ENTREP2: variants seen among roughly 807,000 people sequenced by gnomAD.
ENTREP2 encodes the protein endosomal transmembrane epsin interactor 2, also known as protein ENTREP2.
the ENTREP2 span, among the ~76,000 whole-genome samples, chr15:29,179,619 T>C: frequency 0.026 from 3,924 of 151,250 alleles, 159 homozygotes; most frequent in African/African-American, 0.09. Flanking sequence ...CTCGCTCTGT[T>C]GCCCAGGCTG....
At chr15:29,223,693 G>A in the ENTREP2 span, among the ~76,000 whole-genome samples, 2 of 152,112 alleles carry the variant, frequency 1.3e-5, no homozygotes, top group African/African-American at 4.8e-5. Flanking sequence ...AACTCCTGTA[G>A]TGGCGCTCCT....
chr15:29,285,972 T>A, the ENTREP2 span, among the ~76,000 whole-genome samples: 2 of 152,282 alleles, frequency 1.3e-5, no homozygotes, highest in Admixed American at 1.3e-4. Context: ...AAAAGAAAAG[T>A]CATATGATAA....
At chr15:29,366,664 G>C in the ENTREP2 span, among the ~76,000 whole-genome samples, 2 of 152,142 alleles carry the variant, frequency 1.3e-5, no homozygotes, top group Non-Finnish European at 1.5e-5. Context: ...GAATCATACA[G>C]TATGCAGTCT....
the ENTREP2 span, chr15:29,613,314 T>C: frequency 4.7e-6 from 1 of 210,726 alleles, no homozygotes; most frequent in Non-Finnish European, 9.9e-6. Flanking sequence ...CCACTTTGTT[T>C]TCGGTCAGTT....
chr15:29,665,154 T>G, the ENTREP2 span, among the ~76,000 whole-genome samples: 1 of 152,214 alleles, frequency 6.6e-6, no homozygotes, highest in Non-Finnish European at 1.5e-5. Context: ...GCAGGGGCAG[T>G]GCCCCATCTC....
At chr15:29,280,508 A>C in the ENTREP2 span, among the ~76,000 whole-genome samples, 1 of 152,230 alleles carries the variant, frequency 6.6e-6, no homozygotes, top group Non-Finnish European at 1.5e-5. Flanking sequence ...GAGGCAGGAT[A>C]CAGGGAAGAC....
At chr15:29,329,664 C>T in the ENTREP2 span, among the ~76,000 whole-genome samples, 2 of 152,038 alleles carry the variant, frequency 1.3e-5, no homozygotes, top group African/African-American at 4.8e-5. Flanking sequence ...AGGAAACATA[C>T]AAAATGAGCC....
At chr15:29,196,596 T>C in the ENTREP2 span, 15 of 1,534,474 alleles carry the variant, frequency 9.8e-6, no homozygotes, top group Admixed American at 3.9e-5. Flanking sequence ...GACCTCACCG[T>C]TAACAGGCAT....
At chr15:29,294,127 G>A in the ENTREP2 span, among the ~76,000 whole-genome samples, 1 of 152,218 alleles carries the variant, frequency 6.6e-6, no homozygotes, top group Non-Finnish European at 1.5e-5. Context: ...TCAACACAAG[G>A]AGACTTAGGG....
At chr15:29,501,588 GCTC>G in the ENTREP2 span, among the ~76,000 whole-genome samples, 2 of 151,920 alleles carry the variant, frequency 1.3e-5, no homozygotes, top group African/African-American at 4.8e-5. Flanking sequence ...TGAAAGCTTT[GCTC>G]CTAAGATCAG....
chr15:29,295,398 A>C, the ENTREP2 span, among the ~76,000 whole-genome samples: 6 of 152,120 alleles, frequency 3.9e-5, no homozygotes, highest in African/African-American at 1.4e-4. Flanking sequence ...CCAGGCCTCT[A>C]CTGAGTCAAG....
At chr15:29,196,862 A>T in the ENTREP2 span, among the ~76,000 whole-genome samples, 1 of 152,228 alleles carries the variant, frequency 6.6e-6, no homozygotes, top group Non-Finnish European at 1.5e-5. Flanking sequence ...AATAGATTGA[A>T]AGTCACTCAT....
At chr15:29,309,804 GT>G in the ENTREP2 span, among the ~76,000 whole-genome samples, 5 of 129,338 alleles carry the variant, frequency 3.9e-5, no homozygotes, top group Non-Finnish European at 8.3e-5. Flanking sequence ...AAAAAAAAAA[GT>G]GCTCAGTGGT....
chr15:29,417,011 G>A, the ENTREP2 span, among the ~76,000 whole-genome samples: 114,558 of 152,096 alleles, frequency 0.75, 44,224 homozygotes, highest in African/African-American at 0.92. Flanking sequence ...GCTGGAGAGG[G>A]TGTGGAGAAA....
chr15:29,133,581 A>T, the ENTREP2 span, among the ~76,000 whole-genome samples: 3 of 152,278 alleles, frequency 2.0e-5, no homozygotes, highest in Middle Eastern at 6.8e-3. Context: ...GTGGCCCTGG[A>T]TGTTAGCTTC....
the ENTREP2 span, among the ~76,000 whole-genome samples, chr15:29,638,192 A>G: frequency 6.6e-6 from 1 of 152,246 alleles, no homozygotes. Context: ...AGCAAAAAAC[A>G]GTGGCTATGG....
At chr15:29,645,675 C>T in the ENTREP2 span, among the ~76,000 whole-genome samples, 9 of 152,216 alleles carry the variant, frequency 5.9e-5, no homozygotes, top group Admixed American at 5.9e-4. Context: ...TCTCCTGCCT[C>T]AGCTTCCCAA....
chr15:29,287,933 A>G, the ENTREP2 span, among the ~76,000 whole-genome samples: 1 of 152,252 alleles, frequency 6.6e-6, no homozygotes, highest in Non-Finnish European at 1.5e-5. Context: ...GAGAATCCAG[A>G]AAGTGACCCA....
chr15:29,638,732 C>T, the ENTREP2 span, among the ~76,000 whole-genome samples: 31 of 152,290 alleles, frequency 2.0e-4, no homozygotes, highest in African/African-American at 6.5e-4. Flanking sequence ...AAAAATTAGC[C>T]GGGCGTGGCT....
Sources: allele counts gnomAD v4.1 joint callset (sites outside exome capture counted in the v4.1 genomes callset), GRCh38; gene constraint gnomAD v4.1.1; transcripts MANE v1.5; gene names NCBI Gene and HGNC (gene_info 2026-07-23, HGNC 2026-07-21).